The following PCSK5 variants were observed in gnomAD, a reference collection of about 807,000 sequenced individuals.
The protein encoded by PCSK5 is proprotein convertase subtilisin/kexin type 5, also known as prohormone convertase 5.
Under a neutral mutation model 233.2 loss-of-function variants are expected in PCSK5, and 129 were observed. The observed-to-expected ratio is 0.55, with a 90% CI of 0.48 to 0.64. The LOEUF is 0.64. Ranked by LOEUF, PCSK5 falls within the 30% of genes least tolerant of loss-of-function variation. PCSK5 has a pLI of 0.00. For missense variants in PCSK5, 2,076 were observed against 2,430.1 expected, an observed-to-expected ratio of 0.85 and a Z score of 3.06; for synonymous variants, 825 against 879.2, an observed-to-expected ratio of 0.94 and a Z score of 1.09.
chr9:76,048,861 T>C (rs1338571936), intron 5 of PCSK5, among the ~76,000 whole-genome samples: 1 of 152,242 alleles, frequency 6.6e-6, no homozygotes, highest in Non-Finnish European at 1.5e-5. Context: ...ATTGTATTTA[T>C]TGAGTTTATT....
chr9:76,183,084 G>A (rs892707173), intron 16 of PCSK5, among the ~76,000 whole-genome samples: 5 of 152,076 alleles, frequency 3.3e-5, no homozygotes, highest in Admixed American at 1.3e-4. Flanking sequence ...AGACAGAAGG[G>A]GGCATAAAGA....
intron 9 of PCSK5, among the ~76,000 whole-genome samples, chr9:76,133,752 A>G (rs1195107443): frequency 6.6e-6 from 1 of 152,080 alleles, no homozygotes; most frequent in East Asian, 1.9e-4. Flanking sequence ...AGCTTATCGT[A>G]ATCTGATGAT....
intron 3 of PCSK5, among the ~76,000 whole-genome samples, chr9:76,009,790 C>T (rs952013529): frequency 1.8e-4 from 27 of 151,900 alleles, no homozygotes; most frequent in Admixed American, 1.5e-3. Context: ...AAGGAATAAC[C>T]GTATTCAGAC....
At chr9:76,136,739 A>G (rs1342439554) in intron 10 of PCSK5, among the ~76,000 whole-genome samples, 1 of 152,056 alleles carries the variant, frequency 6.6e-6, no homozygotes, top group African/African-American at 2.4e-5. Context: ...TTAAAAAAAA[A>G]TAGGAGAACA....
chr9:75,957,692 T>C (rs1043270803), intron 2 of PCSK5, among the ~76,000 whole-genome samples: 16 of 152,238 alleles, frequency 1.1e-4, no homozygotes, highest in Admixed American at 9.8e-4. Context: ...CCTGCATGTC[T>C]AGCCATTTTG....
Position 76,308,695 on chromosome 9 carries a change from G to C in PCSK5, c.3655G>C (p.Gly1219Arg). ...PCHSSCKTCNGSATLCTSCPK... is the reference protein window; with the variant it reads ...PCHSSCKTCNRSATLCTSCPK... Reference sequence around the variant, plus strand: ...TCATTCTTCTTGTAAAACCTGCAATGGATCTGCAACTCTGTGCACTTCATG... The same window carrying C: ...TCATTCTTCTTGTAAAACCTGCAATCGATCTGCAACTCTGTGCACTTCATG... The change falls in exon 29 of 38, where the codon GGA becomes CGA. Residue 1219 changes from glycine to arginine, a missense_variant. Gly to Arg is a moderately radical substitution (Grantham distance 125, BLOSUM62 -2). Around this residue, in one of 6 missense-constraint regions of PCSK5, gnomAD observed 1,510 missense variants for 1,538.1 expected, o/e 0.98. Transcript: ENST00000674117. 4.3e-6 allele frequency: 7 copies of C among 1,610,782 alleles called. No homozygotes were observed. Among genetic ancestry groups the C allele is most frequent in the Non-Finnish European group, 5.1e-6 (6 of 1,178,044 alleles).
intron 27 of PCSK5, 104 bp from the exon 28 acceptor site, chr9:76,302,033 T>C (rs1220861261): frequency 4.5e-6 from 2 of 442,748 alleles, no homozygotes; most frequent in East Asian, 1.4e-4. Flanking sequence ...TACCACAGTA[T>C]ACACAGCAGA....
intron 20 of PCSK5, among the ~76,000 whole-genome samples, chr9:76,190,473 A>G (rs867786101): frequency 6.6e-6 from 1 of 152,086 alleles, no homozygotes; most frequent in South Asian, 2.1e-4. Flanking sequence ...TACCATGCAC[A>G]TAGAGTTTTG....
intron 20 of PCSK5, among the ~76,000 whole-genome samples, chr9:76,208,066 C>CCT: frequency 6.6e-6 from 1 of 152,178 alleles, no homozygotes; most frequent in Non-Finnish European, 1.5e-5. Flanking sequence ...TATCAGGAGC[C>CCT]CTCTCTCACC....
chr9:76,277,986 A>C (rs1827745432), intron 24 of PCSK5, among the ~76,000 whole-genome samples: 2 of 152,216 alleles, frequency 1.3e-5, no homozygotes, highest in Non-Finnish European at 2.9e-5. Flanking sequence ...GAGAATATGC[A>C]TTATTGACAA....
At chr9:76,291,169 A>G (rs945178387) in intron 24 of PCSK5, among the ~76,000 whole-genome samples, 38 of 152,238 alleles carry the variant, frequency 2.5e-4, no homozygotes, top group African/African-American at 7.2e-4. Context: ...TATTATGTGT[A>G]GTACACAGGA....
At chr9:75,969,530 A>G (rs543762093) in intron 2 of PCSK5, among the ~76,000 whole-genome samples, 30 of 152,198 alleles carry the variant, frequency 2.0e-4, no homozygotes, top group Non-Finnish European at 3.7e-4. Flanking sequence ...AGGGCTGGAT[A>G]GTATAGGTCT....
intron 20 of PCSK5, among the ~76,000 whole-genome samples, chr9:76,226,750 G>A (rs1368163455): frequency 6.6e-6 from 1 of 152,152 alleles, no homozygotes; most frequent in Non-Finnish European, 1.5e-5. Context: ...ATGAGGGTTG[G>A]ATTCAGTGAG....
At chr9:76,113,778 T>A (rs1466160705) in intron 9 of PCSK5, among the ~76,000 whole-genome samples, 1 of 152,156 alleles carries the variant, frequency 6.6e-6, no homozygotes, top group African/African-American at 2.4e-5. Context: ...TGTATTTTTT[T>A]AAATTAAAAA....
At chr9:76,092,816 A>G (rs1831349660) in intron 7 of PCSK5, among the ~76,000 whole-genome samples, 1 of 152,218 alleles carries the variant, frequency 6.6e-6, no homozygotes, top group South Asian at 2.1e-4. Context: ...TGGACCGTCT[A>G]TGGGTAAAAC....
intron 5 of PCSK5, among the ~76,000 whole-genome samples, chr9:76,058,440 G>A (rs1289326642): frequency 2.0e-5 from 3 of 152,122 alleles, no homozygotes; most frequent in Admixed American, 2.0e-4. Flanking sequence ...CTCAACCTGG[G>A]TAATAGATGA....
chr9:76,169,533 A>G (rs1823236449), intron 12 of PCSK5, among the ~76,000 whole-genome samples, 171 bp from the exon 13 acceptor site: 1 of 152,034 alleles, frequency 6.6e-6, no homozygotes. Context: ...AATGATTTAT[A>G]TATATATGTA....
chr9:76,030,741 C>T (rs1828620656), intron 5 of PCSK5, among the ~76,000 whole-genome samples: 1 of 151,838 alleles, frequency 6.6e-6, no homozygotes, highest in Non-Finnish European at 1.5e-5. Flanking sequence ...GCTTTGATGG[C>T]TTTTTATAGA....
At chr9:76,210,615 C>T (rs1825293440) in intron 20 of PCSK5, among the ~76,000 whole-genome samples, 1 of 152,140 alleles carries the variant, frequency 6.6e-6, no homozygotes, top group East Asian at 1.9e-4. Flanking sequence ...TATGTCATTC[C>T]TTCGAGCTTT....
Sources: gnomAD v4.1 joint callset for allele counts (sites outside exome capture counted in the v4.1 genomes callset) on GRCh38, gnomAD v4.1.1 for gene constraint, gnomAD v4.1.1 regional missense constraint, MANE v1.5 for transcripts, NCBI Gene and HGNC (gene_info 2026-07-23, HGNC 2026-07-21) for gene names.